The following ACSL3 variants were observed in gnomAD, a reference collection of about 807,000 sequenced individuals.
ACSL3 encodes acyl-CoA synthetase long chain family member 3.
In ACSL3, 34 loss-of-function variants were observed where a neutral mutation model predicts 84.7. That is an observed-to-expected ratio of 0.40 (90% confidence interval 0.31 to 0.53). ACSL3 has a LOEUF of 0.53. Ranked by LOEUF, ACSL3 falls within the 20% of genes least tolerant of loss-of-function variation. ACSL3 has a pLI of 0.48. For synonymous variants in ACSL3, 315 were observed against 299.4 expected (o/e 1.05, Z -0.54); for missense variants, 680 against 873.1 (o/e 0.78, Z 2.79).
chr2:222,936,228 A>G (rs572747452), intron 16 of ACSL3, among the ~76,000 whole-genome samples: 2 of 152,282 alleles, frequency 1.3e-5, no homozygotes, highest in South Asian at 4.1e-4. Context: ...ATGTGCAAAT[A>G]TGGCTTTGAG....
rs1559308906 is a variant in ACSL3 at position 222,943,094 on chromosome 2, A to AAAC, written c.*1442_*1443insCAA. On this transcript the variant is annotated 3_prime_UTR_variant, in exon 17 of 17. Transcript: ENST00000357430. ...ATCAAAAGGCAAAAATCAAAAAAAA[A>AAAC]AAAAACAAAAACAAAAAAAAAGATG... 117 of 97,402 alleles carry AAAC rather than the reference A, an allele frequency of 1.2e-3. No homozygotes were observed. Among genetic ancestry groups the AAAC allele is most frequent in the Admixed American group, 1.2e-3 (6 of 5,076 alleles). The allele number at this position is 97,402 out of a possible 1,614,324, so 6.0% of individuals were successfully genotyped here. A position where few individuals can be genotyped will look rare whatever the true frequency, so the allele number is the denominator to read the frequency against.
At position 222,908,929 on chromosome 2, in the gene ACSL3, A is replaced by G. The variant is rs775341174; in HGVS notation, c.157A>G (p.Asn53Asp). The change falls in exon 4 of 17, where the codon AAC (asparagine) becomes GAC (aspartate). Residue 53 changes from asparagine to aspartate, a missense_variant. By Grantham distance (23) the Asn-to-Asp change is conservative. Coordinates refer to ENST00000357430, the MANE Select transcript of ACSL3 (RefSeq NM_004457.5). ...FFSESRQEKS[N>D]RIKAKPVNSK... is the part of the protein sequence containing the mutation. ...CTCCGAGTCAAGACAAGAAAAATCA[A>G]ACCGAATTAAAGCAAAGCCTGTAAA... The G allele has an allele frequency of 1.9e-6, 3 of 1,613,060 alleles. No homozygotes were observed. In the African/African-American group the frequency reaches 4.0e-5, roughly 22 times the overall value.
intron 1 of ACSL3, among the ~76,000 whole-genome samples, chr2:222,872,058 A>G (rs1695317631): frequency 6.6e-6 from 1 of 152,180 alleles, no homozygotes. Context: ...TCAACAGGGA[A>G]AAGTTCATAA....
chr2:222,937,480 A>ATTTGT (rs1697204502), intron 16 of ACSL3, among the ~76,000 whole-genome samples: 1 of 152,134 alleles, frequency 6.6e-6, no homozygotes, highest in South Asian at 2.1e-4. Flanking sequence ...TATATTTAGA[A>ATTTGT]ACACTCAAGT....
rs192366054 is a variant in ACSL3, at chr2:222,904,342, T to A, written c.-41+3562T>A. On this transcript the variant is annotated intron_variant, in intron 3 of 16. Coordinates refer to ENST00000357430, the MANE Select transcript of ACSL3 (RefSeq NM_004457.5). ...AGAACTGGTAGTGAAGTTTATATGG[T>A]CTTAGTCTCCATTTCAACCTTGGAG... Among the ~76,000 whole-genome samples, 24 of 152,112 alleles carry A rather than the reference T, an allele frequency of 1.6e-4. No homozygotes were observed. The East Asian group carries it at 4.4e-3, about 28-fold the overall frequency.
At chr2:222,877,652 A>G (rs2106090416) in intron 1 of ACSL3, among the ~76,000 whole-genome samples, 1 of 152,346 alleles carries the variant, frequency 6.6e-6, no homozygotes, top group Non-Finnish European at 1.5e-5. Flanking sequence ...AATGGTGGAC[A>G]TAGTGTAAAA....
At position 222,918,149 on chromosome 2, in the gene ACSL3, G is replaced by A. The variant is rs1696634953; in HGVS notation, c.660G>A (p.Lys220=). 1.2e-6 allele frequency: 2 copies of A among 1,604,116 alleles called. No individual in the cohort carries two copies. Among genetic ancestry groups the A allele is most frequent in the Non-Finnish European group, 1.7e-6 (2 of 1,172,384 alleles). The change falls in exon 6 of 17, where the codon AAG becomes AAA. Residue 220 remains lysine (K), a synonymous_variant. Coordinates refer to ENST00000357430, the MANE Select transcript of ACSL3 (RefSeq NM_004457.5). ...IITSKELLQT[K]LKDIVSLVPR... is the part of the protein sequence containing the mutation. ...CTAGTAAAGAACTCTTACAAACAAA[G>A]TTGAAGGTGAGGACTCTAGTTACTT...
chr2:222,934,415 G>A, intron 15 of ACSL3, 115 bp from the exon 16 acceptor site: 1 of 790,566 alleles, frequency 1.3e-6, no homozygotes, highest in Non-Finnish European at 1.8e-6. Context: ...GCCAAGTATG[G>A]CACATGCATT....
At chr2:222,915,933 G>A (rs897148376) in intron 4 of ACSL3, among the ~76,000 whole-genome samples, 1 of 152,104 alleles carries the variant, frequency 6.6e-6, no homozygotes, top group Non-Finnish European at 1.5e-5. Flanking sequence ...GGCATCTGCG[G>A]TACTTGGTAC....
Position 222,909,015 on chromosome 2 carries a change from A to G in ACSL3, c.243A>G (p.Leu81=). 1.9e-6 allele frequency: 3 copies of G among 1,613,844 alleles called. No homozygotes were observed. The highest frequency in any genetic ancestry group is 2.5e-6 in the Non-Finnish European group (3 of 1,179,916). Residue 81 remains leucine, a synonymous_variant, in exon 4 of 17, where the codon TTA becomes TTG. Transcript: ENST00000357430. ...VNSLDGLASV[L]YPGCDTLDKV... ...GTTTGGATGGTTTGGCTTCAGTATT[A>G]TACCCTGGATGTGATACTTTAGATA...
intron 2 of ACSL3, among the ~76,000 whole-genome samples, chr2:222,896,560 G>A (rs1695985890): frequency 7.8e-5 from 1 of 12,828 alleles, no homozygotes; most frequent in African/African-American, 6.6e-4. Flanking sequence ...TGGGCGGCTG[G>A]CCGGGCGGGG....
At chr2:222,880,195 CA>C (rs1452115101) in intron 1 of ACSL3, among the ~76,000 whole-genome samples, 1 of 152,106 alleles carries the variant, frequency 6.6e-6, no homozygotes, top group African/African-American at 2.4e-5. Flanking sequence ...TGCTGTTTCT[CA>C]AAGTTTTTTC....
At chr2:222,901,413 G>C (rs1047251721) in intron 3 of ACSL3, among the ~76,000 whole-genome samples, 1 of 152,114 alleles carries the variant, frequency 6.6e-6, no homozygotes, top group Non-Finnish European at 1.5e-5. Context: ...TGATCTATCT[G>C]TCTGTCCTTT....
intron 1 of ACSL3, among the ~76,000 whole-genome samples, chr2:222,871,940 C>A (rs568297694): frequency 6.6e-6 from 1 of 151,954 alleles, no homozygotes; most frequent in Non-Finnish European, 1.5e-5. Context: ...GGCATTACTG[C>A]TCTTGTGGCA....
chr2:222,907,992 T>C (rs1696339742), intron 3 of ACSL3, among the ~76,000 whole-genome samples: 1 of 152,192 alleles, frequency 6.6e-6, no homozygotes, highest in Admixed American at 6.5e-5. Context: ...CACGTACACA[T>C]GCATGCATGC....
intron 1 of ACSL3, among the ~76,000 whole-genome samples, chr2:222,883,747 T>TG (rs1385713757): frequency 6.6e-6 from 1 of 152,178 alleles, no homozygotes; most frequent in Non-Finnish European, 1.5e-5. Context: ...TTGAATCTCT[T>TG]GGATTAATTT....
At chr2:222,903,450 A>G (rs960144382) in intron 3 of ACSL3, among the ~76,000 whole-genome samples, 3 of 152,174 alleles carry the variant, frequency 2.0e-5, no homozygotes, top group African/African-American at 7.2e-5. Context: ...CTGTTTTTCA[A>G]TTATTGATTG....
At chr2:222,917,943 T>TA in intron 5 of ACSL3, 103 bp from the exon 6 acceptor site, 1 of 794,952 alleles carries the variant, frequency 1.3e-6, no homozygotes, top group Non-Finnish European at 2.1e-6. Context: ...ATTTAACAGT[T>TA]TAGGGCTCCT....
intron 16 of ACSL3, among the ~76,000 whole-genome samples, chr2:222,937,815 T>C (rs933647215): frequency 2.0e-5 from 3 of 152,156 alleles, no homozygotes; most frequent in African/African-American, 4.8e-5. Flanking sequence ...TGAAAGACTT[T>C]TCATACCTAT....
Sources: gnomAD v4.1 joint callset for allele counts (sites outside exome capture counted in the v4.1 genomes callset) on GRCh38, gnomAD v4.1.1 for gene constraint, MANE v1.5 for transcripts, NCBI Gene and HGNC (gene_info 2026-07-23, HGNC 2026-07-21) for gene names.